SLC9A5: variants seen among roughly 807,000 people sequenced by gnomAD.
SLC9A5 encodes the protein sodium/hydrogen exchanger 5.
In SLC9A5, 52 loss-of-function variants were observed where a neutral mutation model predicts 91.7. That is an observed-to-expected ratio of 0.57 (90% confidence interval 0.45 to 0.71). The LOEUF (loss-of-function observed/expected upper bound fraction) is 0.71, where lower values mean the gene tolerates loss of function less well. Ranked by LOEUF, SLC9A5 falls within the 30% of genes least tolerant of loss-of-function variation. The probability of loss-of-function intolerance (pLI) is 0.00; values close to 1 mark genes in which losing one functional copy is unlikely to be tolerated. For missense variants in SLC9A5, 871 were observed against 1,158.9 expected (o/e 0.75, Z 3.61); for synonymous variants, 419 against 474.5 (o/e 0.88, Z 1.52).
rs999091540 is a variant in SLC9A5 at position 67,271,805 on chromosome 16, C to T, written c.*595C>T. 1 of 153,106 alleles carries T rather than the reference C, an allele frequency of 6.5e-6. No individual in the cohort carries two copies. Among genetic ancestry groups the T allele is most frequent in the Admixed American group, 6.5e-5 (1 of 15,432 alleles). The allele number at this position is 153,106 out of a possible 1,614,324, so 9.5% of individuals were successfully genotyped here. A position where few individuals can be genotyped will look rare whatever the true frequency, so the allele number is the denominator to read the frequency against. On this transcript the variant is annotated 3_prime_UTR_variant, in exon 16 of 16. Transcript: ENST00000299798. The stretch of plus-strand genomic sequence containing the variant: ...CTCCACTTCCTGCTTTAGCCCCTTC[C>T]CTTTGCTGCCAGGTATTGGGGTAAT...
At position 67,255,360 on chromosome 16, in the gene SLC9A5, C is replaced by T. The variant is rs749208686; in HGVS notation, c.655-33C>T. 1.0e-5 allele frequency: 16 copies of T among 1,593,050 alleles called. No homozygotes were observed. Among genetic ancestry groups the T allele is most frequent in the East Asian group, 2.2e-5 (1 of 44,498 alleles). ...CCAGCAGTCCCAGTTGCTGCCTTCC[C>T]GCCTCACTGCTGACTCTCCTCTTCT... On this transcript the variant is annotated intron_variant, in intron 3 of 15. Coordinates refer to ENST00000299798, the MANE Select transcript of SLC9A5 (RefSeq NM_004594.3). The surrounding 1 kb of genome is among the most constrained non-coding windows in gnomAD (Gnocchi z 4.9).
rs2035350498 is a variant in SLC9A5 at position 67,257,161 on chromosome 16, G to A, written c.1335+48G>A. 1 of 1,556,154 alleles carries A rather than the reference G, an allele frequency of 6.4e-7. No individual in the cohort carries two copies. On this transcript the variant is annotated intron_variant, in intron 7 of 15. Coordinates refer to ENST00000299798, the MANE Select transcript of SLC9A5 (RefSeq NM_004594.3). This position sits in a 1 kb window ranked among gnomAD's most constrained non-coding sequence, Gnocchi z 5.1. ...GTAGGGAGAGGGTTGGGCAGGCCCT[G>A]GGGGAGTCTTGGAGCCTGTGGGACA...
rs552185402 is a variant in SLC9A5, at chr16:67,252,375, G to A, written c.188-167G>A. 5.9e-5 allele frequency among the ~76,000 whole-genome samples: 9 copies of A among 152,148 alleles called. No homozygotes were observed. Among genetic ancestry groups the A allele is most frequent in the South Asian group, 4.1e-4 (2 of 4,828 alleles). On this transcript the variant is annotated intron_variant, in intron 1 of 15. Coordinates refer to ENST00000299798, the MANE Select transcript of SLC9A5 (RefSeq NM_004594.3). The surrounding 1 kb of genome is among the most constrained non-coding windows in gnomAD (Gnocchi z 4.0). ...TGAGGCAGGAGAATCACTTGAACCC[G>A]GGAGGTGAAGGTTGCAGTGAGCTGA...
Position 67,255,252 on chromosome 16 carries a change from C to A in SLC9A5, c.654+68C>A. On this transcript the variant is annotated intron_variant, in intron 3 of 15. Coordinates refer to ENST00000299798, the MANE Select transcript of SLC9A5 (RefSeq NM_004594.3). The surrounding 1 kb of genome is among the most constrained non-coding windows in gnomAD (Gnocchi z 4.9). ...CATGCTCTGACCAACTAGGGGTCTGCGCAGACTCAGTCCCTTCCCTTGGGT... is the reference window on the plus strand; with the variant it reads ...CATGCTCTGACCAACTAGGGGTCTGAGCAGACTCAGTCCCTTCCCTTGGGT... 1 of 1,559,360 alleles carries A rather than the reference C, an allele frequency of 6.4e-7. No homozygotes were observed. The highest frequency in any genetic ancestry group is 1.7e-5 in the Admixed American group (1 of 58,702).
At chr16:67,249,379 T>A (rs2035025643) in intron 1 of SLC9A5, among the ~76,000 whole-genome samples, 178 bp downstream of exon 1, 1 of 152,158 alleles carries the variant, frequency 6.6e-6, no homozygotes, top group Admixed American at 6.5e-5. Context: ...GGGTCCCAGG[T>A]CCCTGTCTTC....
Position 67,255,486 on chromosome 16 carries a change from G to C in SLC9A5, c.733+15G>C, listed in dbSNP as rs535349422. 1 of 1,612,902 alleles carries C rather than the reference G, an allele frequency of 6.2e-7. No homozygotes were observed. Among genetic ancestry groups the C allele is most frequent in the Non-Finnish European group, 8.5e-7 (1 of 1,179,206 alleles). ...GAAGGGAGTCGGTCAGTATTTCCCC[G>C]CTCCCAGCTGGCATTGGAGGTCTGC... On this transcript the variant is annotated intron_variant, in intron 4 of 15. Transcript: ENST00000299798. The surrounding 1 kb of genome is among the most constrained non-coding windows in gnomAD (Gnocchi z 4.9).
chr16:67,257,592 G>A lies in SLC9A5; in HGVS notation c.1487G>A (p.Trp496Ter). The change falls in exon 9 of 16, where the codon TGG becomes TAG. Residue 496 changes from tryptophan (W) to a stop codon, truncating the protein, a stop_gained. Coordinates refer to ENST00000299798, the MANE Select transcript of SLC9A5 (RefSeq NM_004594.3). LOFTEE classifies it high-confidence loss of function. This position sits in a 1 kb window ranked among gnomAD's most constrained non-coding sequence, Gnocchi z 5.1. ...GTGGGGCACCATGGCTACCACTACT[G>A]GAGGGACAGGTGAGGGAGCTGCCCC... Reference protein sequence around the residue: ...DVVGHHGYHYWRDRWEQFDKK... With the variant: ...DVVGHHGYHY 2 of 1,614,118 alleles carry A rather than the reference G, an allele frequency of 1.2e-6. No individual in the cohort carries two copies. Among genetic ancestry groups the A allele is most frequent in the East Asian group, 2.2e-5 (1 of 44,874 alleles).
Position 67,256,877 on chromosome 16 carries a change from C to A in SLC9A5, c.1133-34C>A. The A allele has an allele frequency of 6.2e-7, 1 of 1,605,874 alleles. No individual in the cohort carries two copies. Among genetic ancestry groups the A allele is most frequent in the Non-Finnish European group, 8.5e-7 (1 of 1,174,460 alleles). On this transcript the variant is annotated intron_variant, in intron 6 of 15. Transcript: ENST00000299798. The surrounding 1 kb of genome is among the most constrained non-coding windows in gnomAD (Gnocchi z 4.1). The stretch of plus-strand genomic sequence containing the variant: ...CCGGTCCCACGTCCTCCACTCCCAA[C>A]GCTTTGCTCCCACTGGCCTCCCTCC...
Position 67,271,804 on chromosome 16 carries a change from C to T in SLC9A5, c.*594C>T, listed in dbSNP as rs1567425455. The stretch of plus-strand genomic sequence containing the variant: ...CCTCCACTTCCTGCTTTAGCCCCTT[C>T]CCTTTGCTGCCAGGTATTGGGGTAA... On this transcript the variant is annotated 3_prime_UTR_variant, in exon 16 of 16. Transcript: ENST00000299798. 6.5e-6 allele frequency: 1 copy of T among 153,106 alleles called. No individual in the cohort carries two copies. The highest frequency in any genetic ancestry group is 1.5e-5 in the Non-Finnish European group (1 of 68,662). 9.5% of individuals were successfully genotyped at this position (153,106 alleles called of 1,614,324 possible).
intron 15 of SLC9A5, among the ~76,000 whole-genome samples, chr16:67,268,711 T>TATATATATATA (rs55635044): frequency 6.1e-4 from 59 of 97,498 alleles, no homozygotes; most frequent in Non-Finnish European, 7.5e-4. Context: ...TATATATATA[T>TATATATATATA]TTTTACAGTA....
chr16:67,257,478 C>T lies in SLC9A5; in HGVS notation c.1425+44C>T, dbSNP rs367954803. ...GCCCTCGCCTGTCCCTCTCGACCTT[C>T]TCCTATTTTGGGCAGAGTCCTGATC... On this transcript the variant is annotated intron_variant, in intron 8 of 15. Coordinates refer to ENST00000299798, the MANE Select transcript of SLC9A5 (RefSeq NM_004594.3). This position sits in a 1 kb window ranked among gnomAD's most constrained non-coding sequence, Gnocchi z 5.1. The T allele has an allele frequency of 6.2e-7, 1 of 1,613,168 alleles. No individual in the cohort carries two copies. Among genetic ancestry groups the T allele is most frequent in the African/African-American group, 1.3e-5 (1 of 74,916 alleles).
intron 12 of SLC9A5, chr16:67,261,958 G>GTGTGTGTGTGTGTA (rs1244804727): frequency 3.7e-6 from 1 of 273,370 alleles, no homozygotes; most frequent in African/African-American, 2.2e-5. Context: ...GTGTGTGTGT[G>GTGTGTGTGTGTGTA]TATGTGGTGT....
At chr16:67,265,294 G>A in intron 14 of SLC9A5, 188 bp downstream of exon 14, 1 of 604,678 alleles carries the variant, frequency 1.7e-6, no homozygotes. Flanking sequence ...GTGACAGGAG[G>A]CATCTGATTG....
chr16:67,259,693 ACTC>A (rs755157318), intron 11 of SLC9A5, 32 bp downstream of exon 11: 2 of 1,601,730 alleles, frequency 1.2e-6, no homozygotes, highest in South Asian at 2.2e-5. Flanking sequence ...CCTTCCTCAT[ACTC>A]CTCTCCATTG....
Position 67,257,652 on chromosome 16 carries a change from G to A in SLC9A5, c.1496+51G>A. ...TCAGCAGCAGCAGCCCCACCAGCCA[G>A]GGAAGCATGGGGGATGTGCCACACT... On this transcript the variant is annotated intron_variant, in intron 9 of 15. Coordinates refer to ENST00000299798, the MANE Select transcript of SLC9A5 (RefSeq NM_004594.3). The surrounding 1 kb of genome is among the most constrained non-coding windows in gnomAD (Gnocchi z 5.1). The A allele has an allele frequency of 6.4e-7, 1 of 1,567,996 alleles. No individual in the cohort carries two copies.
chr16:67,260,256 G>A (rs2035482992), intron 12 of SLC9A5, among the ~76,000 whole-genome samples: 1 of 149,908 alleles, frequency 6.7e-6, no homozygotes, highest in Admixed American at 6.8e-5. Context: ...TCGGGAGGCT[G>A]AAGCAGGAAA....
Position 67,258,294 on chromosome 16 carries a change from G to A in SLC9A5, c.1497-24G>A, listed in dbSNP as rs538485453. 3.1e-6 allele frequency: 5 copies of A among 1,612,490 alleles called. No homozygotes were observed. Among genetic ancestry groups the A allele is most frequent in the Middle Eastern group, 1.6e-4 (1 of 6,062 alleles). On this transcript the variant is annotated intron_variant, in intron 9 of 15. Transcript: ENST00000299798. The surrounding 1 kb of genome is among the most constrained non-coding windows in gnomAD (Gnocchi z 4.5). ...GCCAGGCCTTGGGAATGGGACTCAG[G>A]GCCGGGCCTGGCATCCTCTGTAGGT...
At chr16:67,249,662 C>A (rs554505003) in intron 1 of SLC9A5, among the ~76,000 whole-genome samples, 1 of 152,308 alleles carries the variant, frequency 6.6e-6, no homozygotes, top group South Asian at 2.1e-4. Flanking sequence ...TCCGAGTGTC[C>A]ATTCCCTTGG....
chr16:67,268,017 CT>C (rs953185400), intron 15 of SLC9A5, among the ~76,000 whole-genome samples: 1 of 151,090 alleles, frequency 6.6e-6, no homozygotes, highest in African/African-American at 2.4e-5. Context: ...TATAAGGATT[CT>C]TTTTTTTTCT....
Sources: gnomAD v4.1 joint callset for allele counts (sites outside exome capture counted in the v4.1 genomes callset) on GRCh38, gnomAD v4.1.1 for gene constraint, Gnocchi (gnomAD v3.1) non-coding constraint, MANE v1.5 for transcripts, NCBI Gene and HGNC (gene_info 2026-07-23, HGNC 2026-07-21) for gene names.